The following ROBO2 variants were observed in gnomAD, a reference collection of about 807,000 sequenced individuals.
The protein encoded by ROBO2 is roundabout guidance receptor 2, also known as roundabout homolog 2.
A neutral mutation model predicts 160.8 loss-of-function variants in ROBO2; 53 were observed. That is an observed-to-expected ratio of 0.33 (90% CI 0.26 to 0.41). The LOEUF (loss-of-function observed/expected upper bound fraction) is 0.41, where lower values mean the gene tolerates loss of function less well. Among genes scored for constraint, ROBO2 ranks in the 10% least tolerant of loss-of-function variants. The pLI is 1.00. For missense variants in ROBO2, 1,577 were observed against 1,722.4 expected (o/e 0.92, Z 1.49); for synonymous variants, 664 against 611.7 (o/e 1.09, Z -1.26).
At chr3:76,402,033 T>G (rs1282557099) in intron 2 of ROBO2, among the ~76,000 whole-genome samples, 3 of 151,484 alleles carry the variant, frequency 2.0e-5, no homozygotes, top group African/African-American at 7.2e-5. Context: ...TGAACAAATA[T>G]AAGCCTTGGT....
chr3:77,497,593 A>G (rs2086970922), intron 5 of ROBO2, among the ~76,000 whole-genome samples: 1 of 152,090 alleles, frequency 6.6e-6, no homozygotes, highest in Non-Finnish European at 1.5e-5. Context: ...AAAGAAGTAA[A>G]TTGGAACAGC....
chr3:76,640,037 A>G (rs534370717), intron 2 of ROBO2, among the ~76,000 whole-genome samples: 1 of 152,310 alleles, frequency 6.6e-6, no homozygotes, highest in African/African-American at 2.4e-5. Flanking sequence ...CTTTAGGTTT[A>G]GCATTTTTTA....
At chr3:76,240,017 G>A (rs562946823) in intron 2 of ROBO2, among the ~76,000 whole-genome samples, 3 of 152,230 alleles carry the variant, frequency 2.0e-5, no homozygotes, top group African/African-American at 7.2e-5. Flanking sequence ...TGCCAAGGAG[G>A]GAGGTGGATA....
intron 2 of ROBO2, among the ~76,000 whole-genome samples, chr3:76,882,108 G>C (rs1339067316): frequency 7.4e-6 from 1 of 134,592 alleles, no homozygotes; most frequent in Admixed American, 7.9e-5. Flanking sequence ...GTGTGTGTGT[G>C]TGTGTCTGTG....
intron 2 of ROBO2, among the ~76,000 whole-genome samples, chr3:77,382,362 TAAAAAG>T (rs2073609229): frequency 6.7e-6 from 1 of 149,004 alleles, no homozygotes. Context: ...TTTTTTTTTT[TAAAAAG>T]TCTTTTTTTA....
At chr3:77,204,699 A>G (rs948486693) in intron 2 of ROBO2, among the ~76,000 whole-genome samples, 1 of 152,164 alleles carries the variant, frequency 6.6e-6, no homozygotes, top group South Asian at 2.1e-4. Flanking sequence ...ACCTGACAGC[A>G]TGTTTTATAA....
At chr3:77,552,627 A>G (rs2092960535) in intron 8 of ROBO2, among the ~76,000 whole-genome samples, 1 of 152,060 alleles carries the variant, frequency 6.6e-6, no homozygotes, top group Non-Finnish European at 1.5e-5. Context: ...TTTTGTTACA[A>G]CTGGCTTGAG....
chr3:77,205,519 A>G (rs2151051881), intron 2 of ROBO2, among the ~76,000 whole-genome samples: 1 of 151,872 alleles, frequency 6.6e-6, no homozygotes, highest in Middle Eastern at 3.4e-3. Context: ...GGATGGGGGG[A>G]CATGGCAGGC....
At chr3:76,660,321 C>T (rs1012906733) in intron 2 of ROBO2, among the ~76,000 whole-genome samples, 3 of 152,134 alleles carry the variant, frequency 2.0e-5, no homozygotes, top group African/African-American at 7.2e-5. Context: ...TTGAGAGGCA[C>T]TGGAGCGGTG....
At chr3:77,635,760 C>T (rs889399976) in intron 24 of ROBO2, among the ~76,000 whole-genome samples, 6 of 152,178 alleles carry the variant, frequency 3.9e-5, no homozygotes, top group Non-Finnish European at 8.8e-5. Context: ...CATCTATGTT[C>T]GTGTAAATAT....
exon 3 of ROBO2, chr3:77,477,518 A>G: frequency 6.2e-7 from 1 of 1,614,128 alleles, no homozygotes; most frequent in Non-Finnish European, 8.5e-7. Flanking sequence ...AGAACCCACC[A>G]TCTACTGGAA....
At chr3:77,428,337 ATATTTTT>A (rs375216333) in intron 2 of ROBO2, among the ~76,000 whole-genome samples, 3 of 128,304 alleles carry the variant, frequency 2.3e-5, no homozygotes, top group East Asian at 2.4e-4. Flanking sequence ...AACTTAGGTA[ATATTTTT>A]TTTTTTTTTT....
intron 2 of ROBO2, among the ~76,000 whole-genome samples, chr3:76,018,537 G>GT (rs2066469788): frequency 6.6e-6 from 1 of 151,306 alleles, no homozygotes; most frequent in Non-Finnish European, 1.5e-5. Flanking sequence ...GAATTTATCT[G>GT]TTTTCAGACT....
chr3:76,446,516 T>C (rs1459585251), intron 2 of ROBO2, among the ~76,000 whole-genome samples: 1 of 152,142 alleles, frequency 6.6e-6, no homozygotes, highest in African/African-American at 2.4e-5. Flanking sequence ...CCAATGACTT[T>C]CTTCACAGAA....
At chr3:77,541,982 A>C in intron 6 of ROBO2, among the ~76,000 whole-genome samples, 1 of 152,178 alleles carries the variant, frequency 6.6e-6, no homozygotes, top group South Asian at 2.1e-4. Context: ...GTCATTATAG[A>C]AAATCTATTT....
At chr3:77,523,226 G>A (rs1337267175) in intron 6 of ROBO2, among the ~76,000 whole-genome samples, 1 of 151,212 alleles carries the variant, frequency 6.6e-6, no homozygotes, top group African/African-American at 2.4e-5. Context: ...ACTACTTACT[G>A]CTTTTAAATG....
intron 2 of ROBO2, among the ~76,000 whole-genome samples, chr3:76,054,308 C>T (rs1490715395): frequency 2.0e-5 from 3 of 151,912 alleles, no homozygotes; most frequent in Non-Finnish European, 4.4e-5. Context: ...ATGGAAAAAC[C>T]TCTCCTCCCT....
At position 77,302,509 on chromosome 3, in the gene ROBO2, A is replaced by G. The variant is rs755705134; in HGVS notation, c.389-174905A>G. 4.8e-4 allele frequency among the ~76,000 whole-genome samples: 73 copies of G among 152,252 alleles called. 1 individual carries two copies. Among genetic ancestry groups the G allele is most frequent in the African/African-American group, 1.6e-3 (67 of 41,564 alleles). On this transcript the variant is annotated intron_variant, in intron 2 of 25. Coordinates refer to ENST00000461745, the Ensembl canonical transcript of ROBO2. The stretch of plus-strand genomic sequence containing the variant: ...CTCAGCAAATAAGATCATTAAACCA[A>G]TAATTGTACCTGTGTGTATTTCTGT...
At chr3:75,953,993 C>A (rs1948640836) in intron 2 of ROBO2, among the ~76,000 whole-genome samples, 1 of 151,724 alleles carries the variant, frequency 6.6e-6, no homozygotes, top group Non-Finnish European at 1.5e-5. Context: ...TGCTGTTTCT[C>A]CAGTATGGTC....
Sources: gnomAD v4.1 joint callset for allele counts (sites outside exome capture counted in the v4.1 genomes callset) on GRCh38, gnomAD v4.1.1 for gene constraint, MANE v1.5 for transcripts, NCBI Gene and HGNC (gene_info 2026-07-23, HGNC 2026-07-21) for gene names.